DDAH1: variants seen among roughly 807,000 people sequenced by gnomAD.
The protein encoded by DDAH1 is dimethylarginine dimethylaminohydrolase 1, also known as N(G),N(G)-dimethylarginine dimethylaminohydrolase 1.
In DDAH1, 19 loss-of-function variants were observed where a neutral mutation model predicts 28.8. The ratio of observed to expected loss-of-function variants is 0.66; its 90% CI spans 0.46 to 0.97. The LOEUF is 0.97. Among genes scored for constraint, DDAH1 ranks in the 50% least tolerant of loss-of-function variants. The probability of loss-of-function intolerance (pLI) is 0.00; values close to 1 mark genes in which losing one functional copy is unlikely to be tolerated. For missense variants in DDAH1, 326 were observed against 375.9 expected, an observed-to-expected ratio of 0.87 and a Z score of 1.10; for synonymous variants, 153 against 154.4, an observed-to-expected ratio of 0.99 and a Z score of 0.07.
rs939039260 is a variant in DDAH1 at position 85,319,490 on chromosome 1, G to A, written c.*1962C>T. The A allele has an allele frequency of 1.2e-4, 19 of 152,200 alleles. No individual in the cohort carries two copies. The highest frequency in any genetic ancestry group is 8.3e-4 in the South Asian group (4 of 4,832). 9.4% of individuals were successfully genotyped at this position (152,200 alleles called of 1,614,324 possible). A position where few individuals can be genotyped will look rare whatever the true frequency, so the allele number is the denominator to read the frequency against. On this transcript the variant is annotated 3_prime_UTR_variant, in exon 6 of 6. Transcript: ENST00000284031. ...ACTGGCAGATTGGGCCATTTTTCCT[G>A]TGGTTGTATTTGAGATGTTGAGCTC...
At chr1:85,383,606 C>T (rs1309304225) in intron 1 of DDAH1, among the ~76,000 whole-genome samples, 1 of 152,202 alleles carries the variant, frequency 6.6e-6, no homozygotes, top group Admixed American at 6.5e-5. Context: ...AAAATGCTAT[C>T]AAACAGCATT....
chr1:85,480,580 A>G (rs935901138), intron 2 of DDAH1, among the ~76,000 whole-genome samples: 1 of 152,070 alleles, frequency 6.6e-6, no homozygotes, highest in African/African-American at 2.4e-5. Context: ...CCCCATCTCT[A>G]CTAAAAATAC....
At chr1:85,388,455 T>C (rs1651387065) in intron 1 of DDAH1, among the ~76,000 whole-genome samples, 1 of 152,182 alleles carries the variant, frequency 6.6e-6, no homozygotes, top group Non-Finnish European at 1.5e-5. Flanking sequence ...AAAAAGTCAT[T>C]ATATAAAAAT....
intron 4 of DDAH1, among the ~76,000 whole-genome samples, chr1:85,328,564 T>C (rs1043894355): frequency 1.3e-5 from 2 of 152,202 alleles, no homozygotes; most frequent in African/African-American, 4.8e-5. Flanking sequence ...ATGGCCAGTC[T>C]GCTCATGTTT....
At chr1:85,430,746 C>A (rs1276170558) in intron 1 of DDAH1, among the ~76,000 whole-genome samples, 1 of 152,094 alleles carries the variant, frequency 6.6e-6, no homozygotes, top group South Asian at 2.1e-4. Flanking sequence ...GATTTTGTAT[C>A]CTGAGACTTT....
intron 2 of DDAH1, among the ~76,000 whole-genome samples, chr1:85,474,901 C>A (rs900640505): frequency 3.9e-5 from 6 of 152,108 alleles, no homozygotes; most frequent in African/African-American, 1.2e-4. Context: ...GGTTCATGGT[C>A]AGGGTTTGAA....
At chr1:85,479,159 C>CTTTTTT (rs35629726) in intron 2 of DDAH1, among the ~76,000 whole-genome samples, 95 of 78,618 alleles carry the variant, frequency 1.2e-3, no homozygotes, top group African/African-American at 1.6e-3. Context: ...TTCTGTTTTT[C>CTTTTTT]TTTTTTTTTT....
At chr1:85,547,815 A>T (rs1658673319) in intron 1 of DDAH1, among the ~76,000 whole-genome samples, 1 of 152,242 alleles carries the variant, frequency 6.6e-6, no homozygotes, top group South Asian at 2.1e-4. Context: ...GACCAGAGGA[A>T]ATGGATTTTG....
intron 1 of DDAH1, among the ~76,000 whole-genome samples, chr1:85,389,880 A>G (rs773154693): frequency 3.9e-5 from 6 of 152,220 alleles, no homozygotes; most frequent in Non-Finnish European, 8.8e-5. Context: ...TTAGTAAAAT[A>G]TCAACAATTT....
intron 1 of DDAH1, among the ~76,000 whole-genome samples, chr1:85,512,439 C>G (rs1481706698): frequency 1.3e-5 from 2 of 152,158 alleles, no homozygotes; most frequent in Non-Finnish European, 2.9e-5. Context: ...AAAACTGGCA[C>G]AAGACAGGGA....
At chr1:85,404,559 T>C (rs1652314959) in intron 1 of DDAH1, 21 of 1,343,658 alleles carry the variant, frequency 1.6e-5, no homozygotes, top group Non-Finnish European at 2.0e-5. Flanking sequence ...GAAAAAAAAA[T>C]AGGAGTTCAT....
At chr1:85,431,698 C>T (rs1040132458) in intron 1 of DDAH1, among the ~76,000 whole-genome samples, 1 of 152,158 alleles carries the variant, frequency 6.6e-6, no homozygotes, top group Non-Finnish European at 1.5e-5. Context: ...TATTAGGAGG[C>T]TCTTGATCTG....
intron 1 of DDAH1, among the ~76,000 whole-genome samples, chr1:85,514,364 TCA>T (rs1657368161): frequency 6.6e-6 from 1 of 152,076 alleles, no homozygotes; most frequent in Admixed American, 6.5e-5. Context: ...GTGGGGAACA[TCA>T]CACACCGGGG....
At chr1:85,452,877 T>A (rs1654727757) in intron 1 of DDAH1, among the ~76,000 whole-genome samples, 2 of 152,206 alleles carry the variant, frequency 1.3e-5, no homozygotes, top group South Asian at 4.1e-4. Flanking sequence ...AAACGATCAC[T>A]GAAATAATGT....
chr1:85,401,636 A>G (rs544503602), intron 1 of DDAH1, among the ~76,000 whole-genome samples: 8 of 151,428 alleles, frequency 5.3e-5, no homozygotes, highest in African/African-American at 1.9e-4. Flanking sequence ...AGTAGCTGGG[A>G]CTACAGGCGC....
chr1:85,528,535 T>C (rs1408533625), intron 1 of DDAH1, among the ~76,000 whole-genome samples: 1 of 151,430 alleles, frequency 6.6e-6, no homozygotes, highest in Non-Finnish European at 1.5e-5. Context: ...ACTGTTGTTA[T>C]ATTATCATAT....
chr1:85,356,778 T>C (rs773138223), intron 2 of DDAH1, among the ~76,000 whole-genome samples: 1 of 152,206 alleles, frequency 6.6e-6, no homozygotes, highest in East Asian at 1.9e-4. Context: ...AGTACCTACT[T>C]TGAAGATAGG....
chr1:85,422,438 A>C (rs1653189719), intron 1 of DDAH1, among the ~76,000 whole-genome samples: 3 of 152,024 alleles, frequency 2.0e-5, no homozygotes, highest in Admixed American at 6.6e-5. Flanking sequence ...TTCTGTCATA[A>C]ATCATACTTT....
At chr1:85,445,505 C>A (rs185602379) in intron 1 of DDAH1, among the ~76,000 whole-genome samples, 3 of 152,160 alleles carry the variant, frequency 2.0e-5, no homozygotes, top group Non-Finnish European at 4.4e-5. Flanking sequence ...AGACGGTTAA[C>A]GTAAAAAGCA....
Sources: gnomAD v4.1 joint callset for allele counts (sites outside exome capture counted in the v4.1 genomes callset) on GRCh38, gnomAD v4.1.1 for gene constraint, MANE v1.5 for transcripts, NCBI Gene and HGNC (gene_info 2026-07-23, HGNC 2026-07-21) for gene names.